ELP4: variants seen among roughly 807,000 people sequenced by gnomAD.
The protein encoded by ELP4 is elongator acetyltransferase complex subunit 4.
ELP4 carries 51 observed loss-of-function variants against 48.9 expected under a neutral mutation model. That is an observed-to-expected ratio of 1.04 (90% CI 0.83 to 1.32). ELP4 has a LOEUF of 1.32. Among genes scored for constraint, ELP4 ranks in the 40% most tolerant of loss-of-function variants. The pLI is 0.00. For missense variants in ELP4, 519 were observed against 514.6 expected (o/e 1.01, Z -0.08); for synonymous variants, 210 against 189.2 (o/e 1.11, Z -0.90).
intron 3 of ELP4, among the ~76,000 whole-genome samples, chr11:31,542,614 G>A (rs1406588825): frequency 6.6e-6 from 1 of 152,168 alleles, no homozygotes; most frequent in Non-Finnish European, 1.5e-5. Flanking sequence ...AAACACTGCT[G>A]TGGTCCTGTC....
chr11:31,521,450 A>G (rs1257288049), intron 2 of ELP4, among the ~76,000 whole-genome samples: 3 of 152,020 alleles, frequency 2.0e-5, no homozygotes, highest in Non-Finnish European at 4.4e-5. Context: ...GTGATTCCAA[A>G]ACCCATTTTT....
At chr11:31,606,959 C>T (rs1210114401) in intron 5 of ELP4, among the ~76,000 whole-genome samples, 1 of 152,082 alleles carries the variant, frequency 6.6e-6, no homozygotes, top group African/African-American at 2.4e-5. Flanking sequence ...GAGATGGGGC[C>T]TTTGGGAAGT....
chr11:31,774,320 TC>T (rs1345187689), intron 9 of ELP4, among the ~76,000 whole-genome samples: 1 of 152,198 alleles, frequency 6.6e-6, no homozygotes, highest in Non-Finnish European at 1.5e-5. Context: ...CTGAGGTGGC[TC>T]CCATTTTCTG....
intron 7 of ELP4, 53 bp downstream of exon 7, chr11:31,632,458 A>G: frequency 7.1e-7 from 1 of 1,410,498 alleles, no homozygotes; most frequent in Non-Finnish European, 9.6e-7. Context: ...ATAGTATGAC[A>G]TTGTGGTTTT....
At chr11:31,682,082 A>G (rs903323659) in intron 9 of ELP4, 2 of 1,279,300 alleles carry the variant, frequency 1.6e-6, no homozygotes, top group Non-Finnish European at 1.0e-6. Flanking sequence ...AAAGGTAAGT[A>G]GATACTGATG....
At chr11:31,671,047 A>G (rs991190640) in intron 9 of ELP4, among the ~76,000 whole-genome samples, 3 of 152,168 alleles carry the variant, frequency 2.0e-5, no homozygotes, top group Non-Finnish European at 2.9e-5. Flanking sequence ...AAAAGTAAAT[A>G]GAGGTAAGGT....
chr11:31,725,661 A>AT (rs1252148672), intron 9 of ELP4, among the ~76,000 whole-genome samples: 1 of 152,190 alleles, frequency 6.6e-6, no homozygotes, highest in Non-Finnish European at 1.5e-5. Flanking sequence ...TCTTTTCACC[A>AT]CAAGCACTGT....
chr11:31,637,177 G>A (rs1944998416), intron 7 of ELP4, among the ~76,000 whole-genome samples: 2 of 151,694 alleles, frequency 1.3e-5, no homozygotes, highest in Non-Finnish European at 1.5e-5. Flanking sequence ...CTGTTAAAGA[G>A]CCCCCAAGAG....
chr11:31,539,372 C>T (rs961024439), intron 2 of ELP4, among the ~76,000 whole-genome samples: 33 of 152,248 alleles, frequency 2.2e-4, no homozygotes, highest in East Asian at 7.7e-4. Flanking sequence ...AGGAGAATGG[C>T]GTGAACCCAG....
intron 7 of ELP4, chr11:31,633,346 TGGGAGGCTGAGGCAGAAGGATCACCTGA>T (rs1454544783): frequency 6.6e-6 from 1 of 152,052 alleles, no homozygotes; most frequent in Non-Finnish European, 1.5e-5. Context: ...CCCAGCACTT[TGGGAGGCTGAGGCAGAAGGATCACCTGA>T]GGCAAGAAGT....
At chr11:31,729,775 G>T (rs1947145917) in intron 9 of ELP4, among the ~76,000 whole-genome samples, 1 of 152,194 alleles carries the variant, frequency 6.6e-6, no homozygotes, top group Non-Finnish European at 1.5e-5. Context: ...CAGCTTGAAT[G>T]AAAGCTTTTT....
chr11:31,756,883 T>C (rs1947845045), intron 9 of ELP4, among the ~76,000 whole-genome samples: 1 of 152,226 alleles, frequency 6.6e-6, no homozygotes, highest in African/African-American at 2.4e-5. Flanking sequence ...TTTAGAAAGC[T>C]GTCCACTGCG....
chr11:31,524,317 A>G (rs1171936837), intron 2 of ELP4, among the ~76,000 whole-genome samples: 1 of 152,240 alleles, frequency 6.6e-6, no homozygotes, highest in Non-Finnish European at 1.5e-5. Context: ...CAAGGGAACT[A>G]TCTGCTTTCA....
At position 31,590,879 on chromosome 11, in the gene ELP4, T is replaced by G. The variant is rs186352385; in HGVS notation, c.382-3891T>G. On this transcript the variant is annotated intron_variant, in intron 3 of 9. Transcript: ENST00000640961. Reference sequence around the variant, plus strand: ...ATCCGCCCCCATAATCTGTTCACCTTCCACCAGGTCCCACCTCCAACAATG... The same window carrying G: ...ATCCGCCCCCATAATCTGTTCACCTGCCACCAGGTCCCACCTCCAACAATG... Among the ~76,000 whole-genome samples, 6 of 152,316 alleles carry G rather than the reference T, an allele frequency of 3.9e-5. No homozygotes were observed. The East Asian group carries it at 1.2e-3, about 29-fold the overall frequency.
At chr11:31,537,168 G>A (rs368737616) in intron 2 of ELP4, among the ~76,000 whole-genome samples, 1 of 152,294 alleles carries the variant, frequency 6.6e-6, no homozygotes, top group South Asian at 2.1e-4. Context: ...AGGTAAGATG[G>A]AGGTTTTTGC....
At chr11:31,657,129 G>A (rs1011065861) in intron 9 of ELP4, among the ~76,000 whole-genome samples, 1 of 151,930 alleles carries the variant, frequency 6.6e-6, no homozygotes, top group Non-Finnish European at 1.5e-5. Flanking sequence ...AGTAAATATG[G>A]TATCCTTAAG....
chr11:31,567,104 T>C (rs1488453122), intron 3 of ELP4, among the ~76,000 whole-genome samples: 1 of 152,162 alleles, frequency 6.6e-6, no homozygotes, highest in Admixed American at 6.5e-5. Context: ...TGGCTAACTT[T>C]GTATTTTTAG....
At chr11:31,642,688 GGAAA>G (rs1230069539) in intron 7 of ELP4, among the ~76,000 whole-genome samples, 1 of 151,440 alleles carries the variant, frequency 6.6e-6, no homozygotes, top group African/African-American at 2.4e-5. Flanking sequence ...TGTTAAATCT[GGAAA>G]GATTTAATCT....
rs774738841 is a variant in ELP4, at chr11:31,627,163, A to T, written c.707A>T (p.Tyr236Phe). The change falls in exon 6 of 10, where the codon TAT becomes TTT. Residue 236 changes from tyrosine to phenylalanine, a missense_variant. Tyr to Phe is a conservative substitution (Grantham distance 22). Coordinates refer to ENST00000640961, the MANE Select transcript of ELP4 (RefSeq NM_019040.5). ...CTTCAGTTTATCCAGAACATCATTT[A>T]TGAGGAAGGATTTGATGGATCCAAT... Reference protein sequence around the residue: ...KLLQFIQNIIYEEGFDGSNPQ... With the variant: ...KLLQFIQNIIFEEGFDGSNPQ... The T allele has an allele frequency of 6.3e-7, 1 of 1,575,396 alleles. No homozygotes were observed.
Sources: gnomAD v4.1 joint callset for allele counts (sites outside exome capture counted in the v4.1 genomes callset) on GRCh38, gnomAD v4.1.1 for gene constraint, MANE v1.5 for transcripts, NCBI Gene and HGNC (gene_info 2026-07-23, HGNC 2026-07-21) for gene names.